The following PCDHGB5 variants were observed in gnomAD, a reference collection of about 807,000 sequenced individuals.
PCDHGB5 encodes the protein protocadherin gamma subfamily B, 5.
Under a neutral mutation model 62.9 loss-of-function variants are expected in PCDHGB5, and 48 were observed. That is an observed-to-expected ratio of 0.76 (90% CI 0.61 to 0.97). PCDHGB5 has a LOEUF of 0.97. Among genes scored for constraint, PCDHGB5 ranks in the 50% least tolerant of loss-of-function variants. The pLI, the probability that PCDHGB5 is intolerant of heterozygous loss-of-function variation, is 0.00. For missense variants in PCDHGB5, 1,118 were observed against 1,198.6 expected (o/e 0.93, Z 0.99); for synonymous variants, 474 against 511.2 (o/e 0.93, Z 0.98).
Position 141,397,950 on chromosome 5 carries a change from G to T in PCDHGB5, c.-178G>T, listed in dbSNP as rs142142786. 7.7e-4 allele frequency: 722 copies of T among 938,408 alleles called. 6 individuals carry two copies. The African/African-American group carries it at 0.01, about 13-fold the overall frequency. 58.1% of individuals were successfully genotyped at this position (938,408 alleles called of 1,614,324 possible). A position where few individuals can be genotyped will look rare whatever the true frequency, so the allele number is the denominator to read the frequency against. On this transcript the variant is annotated 5_prime_UTR_variant, in exon 1 of 4. Transcript: ENST00000617380. ...CAGCCGCAGCGCGCTTTCCAGGGCA[G>T]CCCCAGCTCAGACTCCCCAGCGCCG... is the stretch of plus-strand genomic sequence containing the variant.
At chr5:141,461,663 G>C (rs1230719552) in intron 1 of PCDHGB5, among the ~76,000 whole-genome samples, 1 of 151,984 alleles carries the variant, frequency 6.6e-6, no homozygotes, top group Admixed American at 6.6e-5. Flanking sequence ...TTATTTTAAA[G>C]TTTGTTATTT....
chr5:141,413,660 T>C (rs747874019), intron 1 of PCDHGB5: 5 of 1,613,752 alleles, frequency 3.1e-6, no homozygotes, highest in Non-Finnish European at 4.2e-6. Flanking sequence ...CCGGAAGCTA[T>C]TGATCCGGAT....
chr5:141,502,524 C>T (rs959562458), intron 2 of PCDHGB5, among the ~76,000 whole-genome samples: 3 of 151,910 alleles, frequency 2.0e-5, no homozygotes, highest in East Asian at 1.9e-4. Flanking sequence ...TCAGTGATGC[C>T]GAGTTTGTTC....
intron 1 of PCDHGB5, among the ~76,000 whole-genome samples, chr5:141,445,784 G>A (rs2098477494): frequency 6.6e-6 from 1 of 152,168 alleles, no homozygotes; most frequent in Non-Finnish European, 1.5e-5. Flanking sequence ...GGGCTAGGGA[G>A]GCTAGAAACA....
chr5:141,427,428 T>A (rs1489623330), intron 1 of PCDHGB5: 1 of 470,472 alleles, frequency 2.1e-6, no homozygotes. Context: ...GGAGGTTACA[T>A]GCCTCATAAA....
Position 141,485,550 on chromosome 5 carries a change from TG to T in PCDHGB5, c.2398-9256del. On this transcript the variant is annotated intron_variant, in intron 1 of 3. Coordinates refer to ENST00000617380, the MANE Select transcript of PCDHGB5 (RefSeq NM_018925.3). The surrounding 1 kb of genome is among the most constrained non-coding windows in gnomAD (Gnocchi z 5.7). ...CGAGCAGAGGTAGAGATCGTAGATGTGAATGATCACGCCCCCCGTTTTCCGC... is the reference window on the plus strand; with the variant it reads ...CGAGCAGAGGTAGAGATCGTAGATGTAATGATCACGCCCCCCGTTTTCCGC... The T allele has an allele frequency of 6.2e-7, 1 of 1,613,820 alleles. No individual in the cohort carries two copies.
chr5:141,414,741 A>C, intron 1 of PCDHGB5: 1 of 1,614,158 alleles, frequency 6.2e-7, no homozygotes. Flanking sequence ...ATGCACTCAG[A>C]TCCTTCGACT....
At position 141,400,030 on chromosome 5, in the gene PCDHGB5, C is replaced by G. The variant is rs201599536; in HGVS notation, c.1903C>G (p.Arg635Gly). 1.9e-6 allele frequency: 3 copies of G among 1,613,050 alleles called. No individual in the cohort carries two copies. The highest frequency in any genetic ancestry group is 2.5e-6 in the Non-Finnish European group (3 of 1,179,770). ...TGCCTTGGGCGACAGGGACGCGGCCCGCCAGCGCCTGCTGGTTGCTGTGCG... is the reference window on the plus strand; with the variant it reads ...TGCCTTGGGCGACAGGGACGCGGCCGGCCAGCGCCTGCTGGTTGCTGTGCG... ...ARALGDRDAA[R>G]QRLLVAVRDG... Residue 635 changes from arginine (R) to glycine (G), a missense_variant, in exon 1 of 4, where the codon CGC (arginine) becomes GGC (glycine). Physicochemically the swap from Arg to Gly is moderately radical, Grantham distance 125. Coordinates refer to ENST00000617380, the MANE Select transcript of PCDHGB5 (RefSeq NM_018925.3).
intron 1 of PCDHGB5, chr5:141,413,902 G>A: frequency 1.9e-6 from 3 of 1,613,252 alleles, no homozygotes; most frequent in East Asian, 2.2e-5. Flanking sequence ...AAATGACAAC[G>A]CGCCGGTCTT....
intron 1 of PCDHGB5, chr5:141,408,916 C>T (rs1379557230): frequency 6.8e-6 from 11 of 1,613,024 alleles, no homozygotes; most frequent in African/African-American, 2.7e-5. Flanking sequence ...CCAATGATAA[C>T]CCCCCGGTTT....
intron 1 of PCDHGB5, chr5:141,428,269 C>T (rs1326212294): frequency 1.3e-6 from 1 of 777,738 alleles, no homozygotes; most frequent in Non-Finnish European, 2.2e-6. Flanking sequence ...CAGTCCTGTG[C>T]CCTCTGATTC....
rs772328241 is a variant in PCDHGB5 at position 141,491,340 on chromosome 5, C to A, written c.2398-3467C>A. On this transcript the variant is annotated intron_variant, in intron 1 of 3. Coordinates refer to ENST00000617380, the MANE Select transcript of PCDHGB5 (RefSeq NM_018925.3). The surrounding 1 kb of genome is among the most constrained non-coding windows in gnomAD (Gnocchi z 6.9). ...TTTACCTCATTGTGGCTCTAGCGACCGTCAGTCTCTTATCCCTAGTCACCT... is the reference window on the plus strand; with the variant it reads ...TTTACCTCATTGTGGCTCTAGCGACAGTCAGTCTCTTATCCCTAGTCACCT... 4.3e-6 allele frequency: 7 copies of A among 1,614,146 alleles called. No homozygotes were observed. Among genetic ancestry groups the A allele is most frequent in the Non-Finnish European group, 5.9e-6 (7 of 1,180,014 alleles).
chr5:141,485,152 A>T lies in PCDHGB5; in HGVS notation c.2398-9655A>T. 1.3e-6 allele frequency: 2 copies of T among 1,586,090 alleles called. No homozygotes were observed. Among genetic ancestry groups the T allele is most frequent in the Non-Finnish European group, 8.6e-7 (1 of 1,157,176 alleles). ...CTTCATCCGCGTCTCAGGAGCAAGT[A>T]GAGAATTAGCGGGCGGCAGCAATGC... On this transcript the variant is annotated intron_variant, in intron 1 of 3. Coordinates refer to ENST00000617380, the MANE Select transcript of PCDHGB5 (RefSeq NM_018925.3). This position sits in a 1 kb window ranked among gnomAD's most constrained non-coding sequence, Gnocchi z 5.7.
At chr5:141,463,401 A>T (rs57406832) in intron 1 of PCDHGB5, among the ~76,000 whole-genome samples, 25,027 of 149,108 alleles carry the variant, frequency 0.17, 2,158 homozygotes, top group South Asian at 0.22. Context: ...GGCAAAAAAA[A>T]TGGAGATCCT....
Position 141,476,538 on chromosome 5 carries a change from A to G in PCDHGB5, c.2398-18269A>G, listed in dbSNP as rs2099393283. ...CCTGCTTTCCCTACCCAGGAAATGAAATTGGAGATTAGCGAGGCCGTGGCT... is the reference window on the plus strand; with the variant it reads ...CCTGCTTTCCCTACCCAGGAAATGAGATTGGAGATTAGCGAGGCCGTGGCT... On this transcript the variant is annotated intron_variant, in intron 1 of 3. Coordinates refer to ENST00000617380, the MANE Select transcript of PCDHGB5 (RefSeq NM_018925.3). The surrounding 1 kb of genome is among the most constrained non-coding windows in gnomAD (Gnocchi z 7.6). 1.2e-6 allele frequency: 2 copies of G among 1,614,162 alleles called. No homozygotes were observed. Among genetic ancestry groups the G allele is most frequent in the Non-Finnish European group, 1.7e-6 (2 of 1,180,042 alleles).
In PCDHGB5 at chr5:141,399,315, T is replaced by C; in HGVS notation, c.1188T>C (p.Asn396=). ...TTAAGATTATCTCTTCATCCAAAAA[T>C]TCGTATAAGTTGGTAACAGATGGAA... is the stretch of plus-strand genomic sequence containing the variant. The part of the protein sequence containing the change: ...VPFKIISSSK[N]SYKLVTDGTL... Residue 396 remains asparagine, a synonymous_variant, in exon 1 of 4, where the codon AAT becomes AAC. Coordinates refer to ENST00000617380, the MANE Select transcript of PCDHGB5 (RefSeq NM_018925.3). 1.2e-6 allele frequency: 2 copies of C among 1,613,878 alleles called. No homozygotes were observed. Among genetic ancestry groups the C allele is most frequent in the Non-Finnish European group, 8.5e-7 (1 of 1,179,886 alleles).
At chr5:141,409,424 G>A in intron 1 of PCDHGB5, 1 of 1,613,998 alleles carries the variant, frequency 6.2e-7, no homozygotes, top group Non-Finnish European at 8.5e-7. Context: ...GGTGACAGAT[G>A]GAGCCCTGGA....
At position 141,415,074 on chromosome 5, in the gene PCDHGB5, G is replaced by C; in HGVS notation, c.2397+14550G>C. 3 of 1,613,448 alleles carry C rather than the reference G, an allele frequency of 1.9e-6. No homozygotes were observed. In the South Asian group the frequency reaches 3.3e-5, roughly 18 times the overall value. On this transcript the variant is annotated intron_variant, in intron 1 of 3. Coordinates refer to ENST00000617380, the MANE Select transcript of PCDHGB5 (RefSeq NM_018925.3). ...AGCACACGGGCGAGGTGCGCACGGCGCGAGCCCTGCTGGACAGAGACGCGC... is the reference window on the plus strand; with the variant it reads ...AGCACACGGGCGAGGTGCGCACGGCCCGAGCCCTGCTGGACAGAGACGCGC...
chr5:141,485,279 C>T lies in PCDHGB5; in HGVS notation c.2398-9528C>T. 1 of 1,614,108 alleles carries T rather than the reference C, an allele frequency of 6.2e-7. No individual in the cohort carries two copies. Among genetic ancestry groups the T allele is most frequent in the Non-Finnish European group, 8.5e-7 (1 of 1,179,966 alleles). ...TTGTGGGCAGATCCGCTACCCGGTC[C>T]CAGAGGAGTCACAGGAAGGGACTTT... On this transcript the variant is annotated intron_variant, in intron 1 of 3. Transcript: ENST00000617380. The surrounding 1 kb of genome is among the most constrained non-coding windows in gnomAD (Gnocchi z 5.7).
Sources: gnomAD v4.1 joint callset for allele counts (sites outside exome capture counted in the v4.1 genomes callset) on GRCh38, gnomAD v4.1.1 for gene constraint, Gnocchi (gnomAD v3.1) non-coding constraint, MANE v1.5 for transcripts, NCBI Gene and HGNC (gene_info 2026-07-23, HGNC 2026-07-21) for gene names.